Variants in FMN2 observed in about 807,000 individuals in gnomAD.
The protein encoded by FMN2 is formin 2.
A neutral mutation model predicts 142.3 loss-of-function variants in FMN2; 51 were observed. The observed-to-expected ratio is 0.36, with a 90% CI of 0.29 to 0.45. FMN2 has a LOEUF of 0.45. Among genes scored for constraint, FMN2 ranks in the 20% least tolerant of loss-of-function variants. FMN2 has a pLI of 1.00. For synonymous variants in FMN2, 882 were observed against 869.8 expected (o/e 1.01, Z -0.25); for missense variants, 1,936 against 2,122.8 (o/e 0.91, Z 1.73).
chr1:240,455,836 G>T (rs1430063166), intron 16 of FMN2, among the ~76,000 whole-genome samples: 1 of 152,034 alleles, frequency 6.6e-6, no homozygotes, highest in South Asian at 2.1e-4. Context: ...TTAGCCAGGC[G>T]TGGTGACAGG....
chr1:240,222,892 G>A (rs1048637759), intron 6 of FMN2, among the ~76,000 whole-genome samples: 2 of 152,182 alleles, frequency 1.3e-5, no homozygotes, highest in African/African-American at 4.8e-5. Flanking sequence ...GAGATTTGGG[G>A]CTGAGACGAT....
chr1:240,092,038 G>C lies in FMN2; in HGVS notation c.-72G>C, dbSNP rs1271696884. ...CTCTCCCGGGAGACTCCCTAGGCCCGGACCTGGGGCCGAGGAGGGCCGGGA... is the reference window on the plus strand; with the variant it reads ...CTCTCCCGGGAGACTCCCTAGGCCCCGACCTGGGGCCGAGGAGGGCCGGGA... On this transcript the variant is annotated 5_prime_UTR_variant, in exon 1 of 18. Coordinates refer to ENST00000319653, the MANE Select transcript of FMN2 (RefSeq NM_020066.5). 1.3e-5 allele frequency: 20 copies of C among 1,484,192 alleles called. No individual in the cohort carries two copies. The highest frequency in any genetic ancestry group is 1.8e-5 in the Non-Finnish European group (20 of 1,122,514). The allele number at this position is 1,484,192 out of a possible 1,614,324, so 91.9% of individuals were successfully genotyped here.
chr1:240,354,927 G>C (rs1389120151), intron 13 of FMN2, among the ~76,000 whole-genome samples: 1 of 151,338 alleles, frequency 6.6e-6, no homozygotes, highest in African/African-American at 2.4e-5. Context: ...ACTTTTCATT[G>C]TTGAATTACT....
At chr1:240,189,773 G>A (rs1665630493) in intron 4 of FMN2, among the ~76,000 whole-genome samples, 3 of 152,160 alleles carry the variant, frequency 2.0e-5, no homozygotes, top group Admixed American at 2.0e-4. Flanking sequence ...GCAATGATTA[G>A]CCCACAGCGA....
chr1:240,462,922 G>A (rs1676493379), intron 16 of FMN2, among the ~76,000 whole-genome samples: 1 of 152,136 alleles, frequency 6.6e-6, no homozygotes, highest in Non-Finnish European at 1.5e-5. Flanking sequence ...TCATGGGAGA[G>A]CACAGGAAAA....
chr1:240,170,599 A>G (rs1664661335), intron 2 of FMN2: 1 of 1,574,058 alleles, frequency 6.4e-7, no homozygotes. Flanking sequence ...CATGGGAACC[A>G]GCACATTTTC....
At chr1:240,403,584 A>C (rs1010642766) in intron 15 of FMN2, among the ~76,000 whole-genome samples, 1 of 152,234 alleles carries the variant, frequency 6.6e-6, no homozygotes. Flanking sequence ...CAGTAAGCCA[A>C]GATCATGCCA....
At chr1:240,170,704 G>T (rs1664665241) in intron 2 of FMN2, 1 of 1,557,276 alleles carries the variant, frequency 6.4e-7, no homozygotes, top group Non-Finnish European at 8.9e-7. Context: ...CATTTCAGCT[G>T]GTTATGGTGC....
intron 2 of FMN2, chr1:240,144,375 G>A (rs1663342291): frequency 8.7e-6 from 14 of 1,607,144 alleles, no homozygotes; most frequent in South Asian, 4.4e-5. Context: ...TCCAGCTCCC[G>A]AGCTAAGGCC....
intron 2 of FMN2, among the ~76,000 whole-genome samples, chr1:240,147,790 T>C (rs574021009): frequency 3.7e-4 from 56 of 152,360 alleles, no homozygotes; most frequent in African/African-American, 1.3e-3. Flanking sequence ...AGCTTCATCT[T>C]ATGCTATTCT....
At chr1:240,356,154 A>G (rs763707289) in intron 14 of FMN2, among the ~76,000 whole-genome samples, 6 of 152,146 alleles carry the variant, frequency 3.9e-5, no homozygotes, top group Non-Finnish European at 8.8e-5. Flanking sequence ...GTTTGCTTGC[A>G]TGACAGTATA....
chr1:240,110,182 C>A (rs1558299634), intron 1 of FMN2, among the ~76,000 whole-genome samples: 3 of 152,164 alleles, frequency 2.0e-5, no homozygotes, highest in Non-Finnish European at 2.9e-5. Flanking sequence ...CCCAGAGTTG[C>A]TGGCTGAGTC....
chr1:240,425,204 TGAGAGAGA>T (rs142399934), intron 15 of FMN2, among the ~76,000 whole-genome samples: 12 of 134,946 alleles, frequency 8.9e-5, no homozygotes, highest in Admixed American at 2.3e-4. Flanking sequence ...TTGAATGAGG[TGAGAGAGA>T]GAGAGAGAGA....
chr1:240,244,558 CTT>C (rs1668017384), intron 6 of FMN2, among the ~76,000 whole-genome samples: 1 of 152,178 alleles, frequency 6.6e-6, no homozygotes, highest in Non-Finnish European at 1.5e-5. Context: ...TTCACATAAA[CTT>C]TCTACTATGT....
In FMN2 at chr1:240,144,914, C is replaced by T. The variant is rs925470096; in HGVS notation, c.1782+21569C>T. The stretch of plus-strand genomic sequence containing the variant: ...CAGGTGCCTGATATACTCATGACTC[C>T]ATGATGCCAATTCCTTCTGGGAGCC... On this transcript the variant is annotated intron_variant, in intron 2 of 17. Coordinates refer to ENST00000319653, the MANE Select transcript of FMN2 (RefSeq NM_020066.5). 21 of 1,354,606 alleles carry T rather than the reference C, an allele frequency of 1.6e-5. No homozygotes were observed. In the African/African-American group the frequency reaches 2.8e-4, roughly 18 times the overall value. 83.9% of individuals were successfully genotyped at this position (1,354,606 alleles called of 1,614,324 possible).
At chr1:240,408,889 G>A (rs1317839137) in intron 15 of FMN2, among the ~76,000 whole-genome samples, 1 of 152,038 alleles carries the variant, frequency 6.6e-6, no homozygotes. Flanking sequence ...GTTGACAAGC[G>A]TATTTTCAAA....
intron 6 of FMN2, among the ~76,000 whole-genome samples, chr1:240,248,110 C>A (rs894720510): frequency 5.9e-5 from 9 of 151,954 alleles, no homozygotes; most frequent in African/African-American, 2.2e-4. Context: ...CACCACCCAC[C>A]CTACGCAGCC....
intron 6 of FMN2, among the ~76,000 whole-genome samples, chr1:240,254,226 C>T (rs892281101): frequency 6.6e-6 from 1 of 151,824 alleles, no homozygotes; most frequent in Non-Finnish European, 1.5e-5. Context: ...GTGGTTTGCG[C>T]TGGTGTTGCA....
intron 16 of FMN2, among the ~76,000 whole-genome samples, chr1:240,455,650 C>T (rs1219667432): frequency 6.6e-6 from 1 of 151,984 alleles, no homozygotes; most frequent in Non-Finnish European, 1.5e-5. Context: ...TGTACTCTGG[C>T]CTAGGCAACA....
Sources: gnomAD v4.1 joint callset for allele counts (sites outside exome capture counted in the v4.1 genomes callset) on GRCh38, gnomAD v4.1.1 for gene constraint, MANE v1.5 for transcripts, NCBI Gene and HGNC (gene_info 2026-07-23, HGNC 2026-07-21) for gene names.